The following KIF23 variants were observed in gnomAD, a reference collection of about 807,000 sequenced individuals.
KIF23 encodes kinesin-like protein KIF23.
Under a neutral mutation model 137.5 loss-of-function variants are expected in KIF23, and 30 were observed. The ratio of observed to expected loss-of-function variants is 0.22; its 90% confidence interval spans 0.16 to 0.30. The LOEUF is 0.30. Among genes scored for constraint, KIF23 ranks in the 10% least tolerant of loss-of-function variants. The probability of loss-of-function intolerance (pLI) is 1.00; values close to 1 mark genes in which losing one functional copy is unlikely to be tolerated. For synonymous variants in KIF23, 367 were observed against 391.1 expected, an observed-to-expected ratio of 0.94 and a Z score of 0.73; for missense variants, 920 against 1,194.3, an observed-to-expected ratio of 0.77 and a Z score of 3.38.
In KIF23 at chr15:69,436,230, C is replaced by T; in HGVS notation, c.1407C>T (p.Tyr469=). 6.2e-7 allele frequency: 1 copy of T among 1,613,910 alleles called. No homozygotes were observed. Among genetic ancestry groups the T allele is most frequent in the Non-Finnish European group, 8.5e-7 (1 of 1,179,954 alleles). Residue 469 remains tyrosine, a synonymous_variant, in exon 14 of 24, where the codon TAC becomes TAT. Transcript: ENST00000679126. ...GTGGTTTAACGCCTGGGAGGAGATACAGAAACCAGCCTCGAGGTCCAGTTG... is the reference window on the plus strand; with the variant it reads ...GTGGTTTAACGCCTGGGAGGAGATATAGAAACCAGCCTCGAGGTCCAGTTG... The part of the protein sequence containing the change: ...AICGLTPGRR[Y]RNQPRGPVGN...
chr15:69,425,280 AG>A lies in KIF23; in HGVS notation c.735del, dbSNP rs2057160494. 6.5e-7 allele frequency: 1 copy of A among 1,535,690 alleles called. No individual in the cohort carries two copies. The highest frequency in any genetic ancestry group is 1.4e-5 in the African/African-American group (1 of 73,038). ...GTAACTTCTACCTTATTCCTTTGGT[AG>A]GTGGAACAGTTGCAGCACACCCATG... On this transcript the variant is annotated splice_acceptor_variant, in intron 7 of 23. Coordinates refer to ENST00000679126, the MANE Select transcript of KIF23 (RefSeq NM_001367805.3). LOFTEE classifies it high-confidence loss of function.
chr15:69,422,757 A>G, intron 6 of KIF23: 1 of 306,564 alleles, frequency 3.3e-6, no homozygotes, highest in Non-Finnish European at 5.9e-6. Context: ...TCTGCTTGTA[A>G]TTGCAGATAT....
Position 69,414,434 on chromosome 15 carries a change from A to G in KIF23, c.-32A>G, listed in dbSNP as rs573727854. The G allele has an allele frequency of 4.4e-6, 7 of 1,580,600 alleles. No individual in the cohort carries two copies. The South Asian group carries it at 4.6e-5, about 10-fold the overall frequency. ...AGTCTTCGCCAGCCAGCCGTCCCGC[A>G]TGCGCGTTTGGGCGGCGTGGAGCCT... On this transcript the variant is annotated 5_prime_UTR_variant, in exon 1 of 24. An upstream start codon of the reference 5' UTR is lost. Coordinates refer to ENST00000679126, the MANE Select transcript of KIF23 (RefSeq NM_001367805.3).
At chr15:69,447,092 A>T (rs371139448) in intron 23 of KIF23, 151 bp downstream of exon 23, 3 of 701,106 alleles carry the variant, frequency 4.3e-6, no homozygotes, top group Admixed American at 2.1e-5. Context: ...CTCCATGGGC[A>T]GACTGCAGTA....
intron 1 of KIF23, among the ~76,000 whole-genome samples, chr15:69,415,733 A>C (rs2056887175): frequency 6.6e-6 from 1 of 152,268 alleles, no homozygotes; most frequent in Non-Finnish European, 1.5e-5. Context: ...AGCCATTTTA[A>C]GTATAGAACT....
chr15:69,428,262 A>T (rs1169462189), intron 10 of KIF23, among the ~76,000 whole-genome samples: 1 of 151,864 alleles, frequency 6.6e-6, no homozygotes, highest in Non-Finnish European at 1.5e-5. Flanking sequence ...TAAAAAAAAA[A>T]AATGGTTATA....
chr15:69,430,536 G>T (rs188212776), intron 11 of KIF23, among the ~76,000 whole-genome samples: 3 of 152,316 alleles, frequency 2.0e-5, no homozygotes, highest in Non-Finnish European at 4.4e-5. Context: ...ACCAATCTGG[G>T]AGTGGGAAGG....
chr15:69,440,120 T>A, intron 17 of KIF23, 43 bp downstream of exon 17: 1 of 1,589,610 alleles, frequency 6.3e-7, no homozygotes, highest in Non-Finnish European at 8.6e-7. Context: ...GTCGGATGAT[T>A]TATTTTACAT....
intron 10 of KIF23, among the ~76,000 whole-genome samples, chr15:69,428,137 G>C (rs1315196151): frequency 2.0e-5 from 3 of 152,016 alleles, no homozygotes; most frequent in Non-Finnish European, 2.9e-5. Context: ...CATGCCTGTA[G>C]TCCCAGCTAC....
intron 23 of KIF23, 134 bp downstream of exon 23, chr15:69,447,075 T>C (rs566753461): frequency 3.7e-6 from 3 of 816,544 alleles, no homozygotes; most frequent in African/African-American, 3.4e-5. Flanking sequence ...CCTTGGACTA[T>C]CTGGGCCTCC....
Position 69,421,997 on chromosome 15 carries a change from C to G in KIF23, c.322C>G (p.Leu108Val). Reference protein sequence around the residue: ...NDLIHGKNGLLFTYGVTGSGK... With the variant: ...NDLIHGKNGLVFTYGVTGSGK... ...TGTGACTTGCTACACTGTAGGTCTT[C>G]TTTTTACATATGGTGTGACGGGAAG... Residue 108 changes from leucine (L) to valine (V), a missense_variant, in exon 5 of 24, where the codon CTT becomes GTT. Coordinates refer to ENST00000679126, the MANE Select transcript of KIF23 (RefSeq NM_001367805.3). 3.7e-6 allele frequency: 6 copies of G among 1,613,850 alleles called. No homozygotes were observed. The South Asian group carries it at 5.5e-5, about 15-fold the overall frequency.
At chr15:69,440,241 T>C in intron 17 of KIF23, 67 bp from the exon 18 acceptor site, 16 of 1,532,824 alleles carry the variant, frequency 1.0e-5, no homozygotes, top group Non-Finnish European at 1.4e-5. Context: ...ATAAAGAGAT[T>C]GGGTAATCTG....
chr15:69,428,244 A>C (rs2057255312), intron 10 of KIF23, among the ~76,000 whole-genome samples: 1 of 150,902 alleles, frequency 6.6e-6, no homozygotes, highest in Non-Finnish European at 1.5e-5. Context: ...ACAGAGTGAG[A>C]CTCTGTCTAA....
Position 69,446,341 on chromosome 15 carries a change from G to C in KIF23, c.2815G>C (p.Glu939Gln). Residue 939 changes from glutamate (E) to glutamine (Q), a missense_variant, in exon 22 of 24, where the codon GAA (glutamate) becomes CAA (glutamine). By Grantham distance (29) the Glu-to-Gln change is conservative. This residue lies in a region of KIF23 where 75 missense variants were observed against 177.9 expected (regional missense o/e 0.42). Coordinates refer to ENST00000679126, the MANE Select transcript of KIF23 (RefSeq NM_001367805.3). Reference protein sequence around the residue: ...APAQPDGAESEWTDVETRCSV... With the variant: ...APAQPDGAESQWTDVETRCSV... ...TGCCCAACCAGATGGTGCAGAGTCT[G>C]AATGGACCGATGTAGAAACAAGGGT... 1 of 1,614,068 alleles carries C rather than the reference G, an allele frequency of 6.2e-7. No homozygotes were observed. Among genetic ancestry groups the C allele is most frequent in the Non-Finnish European group, 8.5e-7 (1 of 1,179,888 alleles).
chr15:69,446,821 T>C (rs773994211), intron 22 of KIF23, 50 bp from the exon 23 acceptor site: 2 of 1,523,894 alleles, frequency 1.3e-6, no homozygotes, highest in Admixed American at 1.7e-5. Context: ...CTGTGTTTTA[T>C]AGACTATTGA....
rs1349085818 is a variant in KIF23 at position 69,444,313 on chromosome 15, A to C, written c.2422-477A>C. 6.6e-6 allele frequency: 1 copy of C among 152,508 alleles called. No individual in the cohort carries two copies. The highest frequency in any genetic ancestry group is 1.5e-5 in the Non-Finnish European group (1 of 68,376). The allele number at this position is 152,508 out of a possible 1,614,324, so 9.4% of individuals were successfully genotyped here. On this transcript the variant is annotated intron_variant, in intron 19 of 23. Coordinates refer to ENST00000679126, the MANE Select transcript of KIF23 (RefSeq NM_001367805.3). This position sits in a 1 kb window ranked among gnomAD's most constrained non-coding sequence, Gnocchi z 4.2. ...AGAAGTATTTCACATTTCTTTAATC[A>C]TTTTATTCATATGGTTCTTATTATA...
At chr15:69,418,400 G>C (rs996658428) in intron 3 of KIF23, among the ~76,000 whole-genome samples, 1 of 151,980 alleles carries the variant, frequency 6.6e-6, no homozygotes, top group African/African-American at 2.4e-5. Context: ...AATTTTACAT[G>C]CCCAAAAAGG....
chr15:69,419,901 G>C (rs1205485034), intron 3 of KIF23, among the ~76,000 whole-genome samples: 1 of 152,084 alleles, frequency 6.6e-6, no homozygotes, highest in African/African-American at 2.4e-5. Context: ...GTATCGAGTA[G>C]GTATAAAAAG....
intron 2 of KIF23, among the ~76,000 whole-genome samples, chr15:69,416,671 T>G (rs1412979264): frequency 5.3e-5 from 8 of 152,124 alleles, no homozygotes; most frequent in Non-Finnish European, 1.2e-4. Flanking sequence ...AATGTCTCTG[T>G]AGGCTGGGTG....
Sources: gnomAD v4.1 joint callset for allele counts (sites outside exome capture counted in the v4.1 genomes callset) on GRCh38, gnomAD v4.1.1 for gene constraint, gnomAD v4.1.1 regional missense constraint, Gnocchi (gnomAD v3.1) non-coding constraint, MANE v1.5 for transcripts, NCBI Gene and HGNC (gene_info 2026-07-23, HGNC 2026-07-21) for gene names.